KCNK3: variants seen among roughly 807,000 people sequenced by gnomAD.
The protein encoded by KCNK3 is potassium channel subfamily K member 3.
Under a neutral mutation model 27.3 loss-of-function variants are expected in KCNK3, and 9 were observed. The observed-to-expected ratio is 0.33, with a 90% CI of 0.20 to 0.57. The LOEUF is 0.57. Ranked by LOEUF, KCNK3 falls within the 20% of genes least tolerant of loss-of-function variation. The pLI is 0.87. For synonymous variants in KCNK3, 278 were observed against 273.8 expected (o/e 1.02, Z -0.15); for missense variants, 391 against 577.7 (o/e 0.68, Z 3.31).
At chr2:26,699,193 A>T (rs1235620022) in intron 1 of KCNK3, among the ~76,000 whole-genome samples, 1 of 109,332 alleles carries the variant, frequency 9.1e-6, no homozygotes, top group Non-Finnish European at 2.0e-5. Flanking sequence ...AAAAAAAAAA[A>T]GGAAGGAAAG....
chr2:26,706,119 G>A (rs1670369718), intron 1 of KCNK3, among the ~76,000 whole-genome samples: 1 of 152,200 alleles, frequency 6.6e-6, no homozygotes, highest in African/African-American at 2.4e-5. Context: ...TTGGGAGGCT[G>A]GGCCACTCAC....
chr2:26,709,814 C>T (rs912372208), intron 1 of KCNK3, among the ~76,000 whole-genome samples: 2 of 152,148 alleles, frequency 1.3e-5, no homozygotes, highest in Non-Finnish European at 2.9e-5. Context: ...AGGCGATGGG[C>T]GCAGGGCTAC....
intron 1 of KCNK3, among the ~76,000 whole-genome samples, chr2:26,711,887 G>A (rs989168107): frequency 2.6e-5 from 4 of 152,160 alleles, no homozygotes; most frequent in Admixed American, 1.3e-4. Flanking sequence ...GAGCAGGGTA[G>A]CACTGTAAGC....
intron 1 of KCNK3, among the ~76,000 whole-genome samples, chr2:26,720,897 C>A (rs992607853): frequency 6.6e-6 from 1 of 152,190 alleles, no homozygotes; most frequent in Admixed American, 6.5e-5. Flanking sequence ...TACCCCAGCT[C>A]CATGAGACCC....
In KCNK3 at chr2:26,713,540, G is replaced by A. The variant is rs142394811; in HGVS notation, c.284-14127G>A. Among the ~76,000 whole-genome samples the A allele has an allele frequency of 2.6e-3, 403 of 152,284 alleles. 7 individuals are homozygous for A. The East Asian group carries it at 0.03, about 11-fold the overall frequency. On this transcript the variant is annotated intron_variant, in intron 1 of 1. Transcript: ENST00000302909. ...CATGCCTGTAATCCCAGCACTTTGG[G>A]AAGCCGAGGCGGGCGGATCCCCTGA...
chr2:26,710,401 A>G (rs979994685), intron 1 of KCNK3, among the ~76,000 whole-genome samples: 6 of 152,198 alleles, frequency 3.9e-5, no homozygotes, highest in African/African-American at 1.4e-4. Context: ...AAGGGTGCAG[A>G]TGAAGAGCAG....
intron 1 of KCNK3, among the ~76,000 whole-genome samples, chr2:26,704,237 A>G (rs1056402929): frequency 1.3e-5 from 2 of 152,046 alleles, no homozygotes; most frequent in African/African-American, 2.4e-5. Flanking sequence ...CACCAAGTAC[A>G]GTTTTATTGA....
chr2:26,713,166 A>G (rs957981046), intron 1 of KCNK3, among the ~76,000 whole-genome samples: 1 of 152,194 alleles, frequency 6.6e-6, no homozygotes, highest in Admixed American at 6.5e-5. Context: ...AGGGCAGAAG[A>G]TGCCATTCTC....
At chr2:26,722,712 G>C (rs1395823811) in intron 1 of KCNK3, among the ~76,000 whole-genome samples, 1 of 152,254 alleles carries the variant, frequency 6.6e-6, no homozygotes, top group African/African-American at 2.4e-5. Context: ...AATTAATTTT[G>C]ATGGGGAAAG....
chr2:26,713,411 A>G (rs1663161334), intron 1 of KCNK3, among the ~76,000 whole-genome samples: 1 of 152,128 alleles, frequency 6.6e-6, no homozygotes, highest in Non-Finnish European at 1.5e-5. Flanking sequence ...GGAAACCCCC[A>G]GACTGTATTG....
At chr2:26,715,184 C>T (rs1351203748) in intron 1 of KCNK3, among the ~76,000 whole-genome samples, 3 of 152,254 alleles carry the variant, frequency 2.0e-5, no homozygotes, top group African/African-American at 7.2e-5. Context: ...TTGAATGAGT[C>T]ATGGAAACTT....
At chr2:26,705,047 C>T (rs113229731) in intron 1 of KCNK3, among the ~76,000 whole-genome samples, 2,116 of 152,216 alleles carry the variant, frequency 0.014, 29 homozygotes, top group Non-Finnish European at 0.021. Context: ...TCACTGCAGC[C>T]TCGACTTCCC....
intron 1 of KCNK3, among the ~76,000 whole-genome samples, chr2:26,717,847 A>G (rs1328634111): frequency 6.6e-6 from 1 of 152,188 alleles, no homozygotes; most frequent in Non-Finnish European, 1.5e-5. Context: ...CCTCAGGCTC[A>G]TCTCTGATGC....
At chr2:26,709,672 G>A (rs1281476521) in intron 1 of KCNK3, among the ~76,000 whole-genome samples, 1 of 152,176 alleles carries the variant, frequency 6.6e-6, no homozygotes, top group East Asian at 1.9e-4. Flanking sequence ...GGAGAGGCAG[G>A]GAAAGAGCAA....
chr2:26,728,040 G>C lies in KCNK3; in HGVS notation c.657G>C (p.Gln219His). Residue 219 changes from glutamine to histidine, a missense_variant, in exon 2 of 2, where the codon CAG becomes CAC. Coordinates refer to ENST00000302909, the MANE Select transcript of KCNK3 (RefSeq NM_002246.3). ...ACCAGGCCCTGCAGACGCAGCCGCA[G>C]TACGTGGCCTTCAGCTTCGTCTACA... ...QKDQALQTQP[Q>H]YVAFSFVYIL... 1 of 1,614,218 alleles carries C rather than the reference G, an allele frequency of 6.2e-7. No homozygotes were observed. The highest frequency in any genetic ancestry group is 8.5e-7 in the Non-Finnish European group (1 of 1,180,020).
At position 26,713,126 on chromosome 2, in the gene KCNK3, G is replaced by A. The variant is rs977990083; in HGVS notation, c.284-14541G>A. Among the ~76,000 whole-genome samples the A allele has an allele frequency of 4.6e-5, 7 of 152,140 alleles. No individual in the cohort carries two copies. The South Asian group carries it at 8.3e-4, about 18-fold the overall frequency. ...CCAGTAGGAGAGGGGCCATCTCCAC[G>A]CAAAACCTAATACCTGGCAGATGGT... On this transcript the variant is annotated intron_variant, in intron 1 of 1. Coordinates refer to ENST00000302909, the MANE Select transcript of KCNK3 (RefSeq NM_002246.3).
At position 26,699,294 on chromosome 2, in the gene KCNK3, G is replaced by A. The variant is rs138425138; in HGVS notation, c.283+6136G>A. 4.6e-3 allele frequency among the ~76,000 whole-genome samples: 693 copies of A among 151,998 alleles called. 8 individuals are homozygous for A. The highest frequency in any genetic ancestry group is 0.016 in the African/African-American group (652 of 41,504). On this transcript the variant is annotated intron_variant, in intron 1 of 1. Transcript: ENST00000302909. ...GGTACACGGTGGTAGGAGAAACTAC[G>A]GAGTGTGTTTGGCCAGAGATCTTTC...
intron 1 of KCNK3, among the ~76,000 whole-genome samples, chr2:26,700,727 T>C (rs1456882714): frequency 8.9e-6 from 1 of 112,108 alleles, no homozygotes; most frequent in African/African-American, 3.5e-5. Context: ...ATCATCATCA[T>C]CACCATCATC....
At chr2:26,725,717 C>G (rs1432110981) in intron 1 of KCNK3, among the ~76,000 whole-genome samples, 2 of 152,196 alleles carry the variant, frequency 1.3e-5, no homozygotes, top group African/African-American at 2.4e-5. Context: ...AATGGTGACA[C>G]AGTTACTGGC....
Sources: gnomAD v4.1 joint callset for allele counts (sites outside exome capture counted in the v4.1 genomes callset) on GRCh38, gnomAD v4.1.1 for gene constraint, MANE v1.5 for transcripts, NCBI Gene and HGNC (gene_info 2026-07-23, HGNC 2026-07-21) for gene names.